The following EYS variants were observed in gnomAD, a reference collection of about 807,000 sequenced individuals.
EYS encodes the protein protein eyes shut homolog.
A neutral mutation model predicts 282.1 loss-of-function variants in EYS; 250 were observed. The ratio of observed to expected loss-of-function variants is 0.89; its 90% confidence interval spans 0.80 to 0.98. The LOEUF (loss-of-function observed/expected upper bound fraction) is 0.98. EYS is among the 50% of genes least tolerant of loss of function. The pLI is 0.00. For missense variants in EYS, 4,016 were observed against 3,709.0 expected (o/e 1.08, Z -2.15); for synonymous variants, 1,355 against 1,282.9 (o/e 1.06, Z -1.20).
At chr6:64,484,049 T>A (rs1776513088) in intron 26 of EYS, among the ~76,000 whole-genome samples, 1 of 151,644 alleles carries the variant, frequency 6.6e-6, no homozygotes, top group Non-Finnish European at 1.5e-5. Flanking sequence ...AGCAATTAGA[T>A]GTTCTTCAAT....
intron 30 of EYS, among the ~76,000 whole-genome samples, chr6:64,241,003 A>G (rs1419065311): frequency 6.6e-6 from 1 of 152,114 alleles, no homozygotes; most frequent in Non-Finnish European, 1.5e-5. Flanking sequence ...GCATCTATTG[A>G]GATAATTATG....
rs1278246029 is a variant in EYS, at chr6:64,388,809, T to G, written c.5959A>C (p.Thr1987Pro). The change falls in exon 29 of 43, where the codon ACT (threonine) becomes CCT (proline). Residue 1987 changes from threonine to proline, a missense_variant. By Grantham distance (38) the Thr-to-Pro change is conservative. Coordinates refer to ENST00000503581, the MANE Select transcript of EYS (RefSeq NM_001142800.2). ...QELDPCNAEL[T>P]ILGRNTQICE... The stretch of plus-strand genomic sequence containing the variant: ...ATTTGTGTATTCCTCCCTAAAATAG[T>G]CAGCTCAGCGTTACATGGATCCAAT... 1.9e-6 allele frequency: 3 copies of G among 1,541,992 alleles called. No individual in the cohort carries two copies. Among genetic ancestry groups the G allele is most frequent in the African/African-American group, 1.4e-5 (1 of 72,940 alleles).
intron 1 of EYS, among the ~76,000 whole-genome samples, chr6:65,648,766 T>A (rs1767548120): frequency 6.6e-6 from 1 of 152,052 alleles, no homozygotes; most frequent in Admixed American, 6.6e-5. Context: ...GAAAACAACC[T>A]TCATTCACAT....
At chr6:65,683,587 A>G (rs1290603660) in intron 1 of EYS, among the ~76,000 whole-genome samples, 2 of 152,046 alleles carry the variant, frequency 1.3e-5, no homozygotes, top group East Asian at 3.9e-4. Flanking sequence ...AAAACAGTTT[A>G]CAATTCCTCC....
intron 31 of EYS, among the ~76,000 whole-genome samples, chr6:64,222,335 C>T (rs1766128402): frequency 1.3e-5 from 2 of 152,080 alleles, no homozygotes. Flanking sequence ...CGCATGTTGA[C>T]AACAATGTCT....
intron 13 of EYS, among the ~76,000 whole-genome samples, chr6:65,035,046 G>T (rs1284714114): frequency 6.6e-6 from 1 of 152,014 alleles, no homozygotes; most frequent in African/African-American, 2.4e-5. Context: ...TGGGATGCAT[G>T]GTTTGTTCAA....
intron 12 of EYS, among the ~76,000 whole-genome samples, chr6:65,134,774 A>G (rs1775976499): frequency 6.6e-6 from 1 of 152,070 alleles, no homozygotes; most frequent in South Asian, 2.1e-4. Flanking sequence ...AGATCAATTT[A>G]TCATTAAAAC....
Position 65,317,736 on chromosome 6 carries a change from G to T in EYS, c.1766+17244C>A, listed in dbSNP as rs1769330891. Among the ~76,000 whole-genome samples the T allele has an allele frequency of 2.6e-5, 4 of 152,112 alleles. No individual in the cohort carries two copies. In the South Asian group the frequency reaches 8.3e-4, roughly 32 times the overall value. ...GCTCACTCACTTGGATACCGACAGAGCTCAATTCCTTGCTAGCTCTTGGCT... is the reference window on the plus strand; with the variant it reads ...GCTCACTCACTTGGATACCGACAGATCTCAATTCCTTGCTAGCTCTTGGCT... On this transcript the variant is annotated intron_variant, in intron 11 of 42. Transcript: ENST00000503581.
intron 14 of EYS, among the ~76,000 whole-genome samples, chr6:64,948,363 G>A (rs997859945): frequency 6.7e-6 from 1 of 150,324 alleles, no homozygotes; most frequent in African/African-American, 2.4e-5. Context: ...TTGAATAATT[G>A]ATTCCAGTAA....
intron 15 of EYS, among the ~76,000 whole-genome samples, chr6:64,932,917 T>C (rs935998836): frequency 6.6e-6 from 1 of 151,942 alleles, no homozygotes; most frequent in Non-Finnish European, 1.5e-5. Context: ...ACAAAAACAC[T>C]AGCTACTAGG....
At chr6:64,765,098 A>G (rs1190485341) in intron 22 of EYS, among the ~76,000 whole-genome samples, 1 of 152,196 alleles carries the variant, frequency 6.6e-6, no homozygotes, top group Non-Finnish European at 1.5e-5. Flanking sequence ...ACATATGAGC[A>G]TATACTCTTA....
intron 31 of EYS, among the ~76,000 whole-genome samples, chr6:64,168,334 G>A (rs1042664375): frequency 2.0e-5 from 3 of 152,184 alleles, no homozygotes; most frequent in African/African-American, 7.2e-5. Flanking sequence ...GGGAAAACTT[G>A]TTACATTTCT....
chr6:65,454,494 T>A (rs10944805), intron 5 of EYS, among the ~76,000 whole-genome samples: 32,902 of 151,832 alleles, frequency 0.22, 3,948 homozygotes, highest in Middle Eastern at 0.32. Context: ...TCTGTGTAAA[T>A]GCATGTTAGT....
chr6:64,569,048 CA>C (rs1437921152), intron 26 of EYS, among the ~76,000 whole-genome samples: 1 of 103,968 alleles, frequency 9.6e-6, no homozygotes. Flanking sequence ...AAAAAAACAG[CA>C]AAAAAAGGCT....
intron 2 of EYS, among the ~76,000 whole-genome samples, chr6:65,545,602 T>G (rs1768355897): frequency 6.6e-6 from 1 of 152,300 alleles, no homozygotes; most frequent in African/African-American, 2.4e-5. Context: ...TGTTTTAAAT[T>G]TCAATATGTA....
intron 8 of EYS, among the ~76,000 whole-genome samples, chr6:65,356,716 A>G (rs1197343946): frequency 6.6e-6 from 1 of 152,050 alleles, no homozygotes; most frequent in African/African-American, 2.4e-5. Context: ...AGCTCTTAAT[A>G]CCTTTTTAAA....
chr6:64,196,113 C>T (rs1422648555), intron 31 of EYS, among the ~76,000 whole-genome samples: 8 of 149,484 alleles, frequency 5.4e-5, no homozygotes, highest in African/African-American at 9.9e-5. Context: ...CAAAAGAAGA[C>T]ATTTATGCAG....
At chr6:64,372,130 GTTTTTTTTTTTTTTTTT>G in intron 29 of EYS, among the ~76,000 whole-genome samples, 1 of 97,718 alleles carries the variant, frequency 1.0e-5, no homozygotes, top group African/African-American at 4.7e-5. Flanking sequence ...GTATACTTGT[GTTTTTTTTTTTTTTTTT>G]TTTTTTTTTT....
intron 34 of EYS, among the ~76,000 whole-genome samples, chr6:63,987,483 A>G (rs1693972655): frequency 6.6e-6 from 1 of 151,758 alleles, no homozygotes; most frequent in Non-Finnish European, 1.5e-5. Flanking sequence ...AGCAACATAT[A>G]TAATTGAATT....
Sources: allele counts gnomAD v4.1 joint callset (sites outside exome capture counted in the v4.1 genomes callset), GRCh38; gene constraint gnomAD v4.1.1; transcripts MANE v1.5; gene names NCBI Gene and HGNC (gene_info 2026-07-23, HGNC 2026-07-21).